The following DYDC2 variants were observed in gnomAD, a reference collection of about 807,000 sequenced individuals.
The protein encoded by DYDC2 is DPY30 domain containing 2, also known as DPY30 domain-containing protein 2.
DYDC2 carries 19 observed loss-of-function variants against 18.7 expected under a neutral mutation model. The ratio of observed to expected loss-of-function variants is 1.02; its 90% CI spans 0.71 to 1.49. The LOEUF is 1.49. DYDC2 is among the 40% of genes most tolerant of loss of function. The pLI, the probability that DYDC2 is intolerant of heterozygous loss-of-function variation, is 0.00. For synonymous variants in DYDC2, 63 were observed against 67.6 expected, an observed-to-expected ratio of 0.93 and a Z score of 0.34; for missense variants, 179 against 205.1, an observed-to-expected ratio of 0.87 and a Z score of 0.78.
intron 4 of DYDC2, among the ~76,000 whole-genome samples, chr10:80,363,498 C>T (rs1201978238): frequency 7.5e-6 from 1 of 134,126 alleles, no homozygotes; most frequent in Non-Finnish European, 1.6e-5. Context: ...GCACATGCCA[C>T]CACGCCCGGC....
intron 1 of DYDC2, among the ~76,000 whole-genome samples, chr10:80,347,787 T>A (rs990150399): frequency 4.6e-5 from 7 of 152,352 alleles, no homozygotes; most frequent in African/African-American, 1.7e-4. Flanking sequence ...ATTCCTGGGT[T>A]CTCTATTCTG....
At chr10:80,350,584 C>T (rs1259285573) in intron 1 of DYDC2, among the ~76,000 whole-genome samples, 1 of 152,176 alleles carries the variant, frequency 6.6e-6, no homozygotes, top group Non-Finnish European at 1.5e-5. Flanking sequence ...ACAGCCCTAT[C>T]CTTCTAAGGG....
chr10:80,359,000 G>A (rs186029772), intron 2 of DYDC2, among the ~76,000 whole-genome samples: 5 of 152,192 alleles, frequency 3.3e-5, no homozygotes, highest in African/African-American at 4.8e-5. Context: ...GCAGCAGCAA[G>A]ATTTACTACA....
chr10:80,348,979 C>T (rs1198166992), intron 1 of DYDC2, among the ~76,000 whole-genome samples: 1 of 152,180 alleles, frequency 6.6e-6, no homozygotes, highest in Non-Finnish European at 1.5e-5. Context: ...GCAAGCTCCG[C>T]CTCCTGGGTT....
At chr10:80,352,040 G>T (rs368117789), upstream of DYDC2, 82 of 1,594,764 alleles carry the variant, frequency 5.1e-5, no homozygotes, top group African/African-American at 7.8e-4. Flanking sequence ...CGACTTCTTA[G>T]CGAGAAAGCA....
At chr10:80,361,191 T>A (rs943358725) in intron 2 of DYDC2, among the ~76,000 whole-genome samples, 1 of 152,200 alleles carries the variant, frequency 6.6e-6, no homozygotes, top group African/African-American at 2.4e-5. Flanking sequence ...CCCTCAACAT[T>A]TTTAAGAGTA....
chr10:80,359,862 C>G (rs192802044), intron 2 of DYDC2, among the ~76,000 whole-genome samples: 7 of 152,292 alleles, frequency 4.6e-5, no homozygotes, highest in East Asian at 3.9e-4. Flanking sequence ...ATTTCCCGCC[C>G]GCGCCTCTCC....
chr10:80,358,390 T>A (rs1195562640), intron 2 of DYDC2, among the ~76,000 whole-genome samples: 1 of 152,036 alleles, frequency 6.6e-6, no homozygotes, highest in Non-Finnish European at 1.5e-5. Context: ...AAATAAAAAA[T>A]AAAAGGCATC....
chr10:80,347,414 T>G (rs1201180593), intron 1 of DYDC2, among the ~76,000 whole-genome samples: 1 of 152,020 alleles, frequency 6.6e-6, no homozygotes, highest in Non-Finnish European at 1.5e-5. Flanking sequence ...TGCCTTTTTG[T>G]TTTGCTGATT....
At chr10:80,344,749 GCCA>G (rs1264842712), upstream of DYDC2, 1 of 323,644 alleles carries the variant, frequency 3.1e-6, no homozygotes, top group African/African-American at 2.2e-5. Context: ...TTCTCTTGCT[GCCA>G]CCATGTAAGA....
chr10:80,358,967 G>C (rs1050897632), intron 2 of DYDC2, among the ~76,000 whole-genome samples: 1 of 152,308 alleles, frequency 6.6e-6, no homozygotes, highest in South Asian at 2.1e-4. Flanking sequence ...AGCTCATAAA[G>C]GCAGTGCAGA....
upstream of DYDC2, among the ~76,000 whole-genome samples, chr10:80,355,815 C>T (rs937457970): frequency 2.0e-5 from 3 of 152,010 alleles, no homozygotes; most frequent in African/African-American, 7.2e-5. Context: ...AACAAACTGG[C>T]ACAAATGAAC....
chr10:80,347,562 C>T (rs948824566), intron 1 of DYDC2, among the ~76,000 whole-genome samples: 10 of 152,058 alleles, frequency 6.6e-5, no homozygotes, highest in African/African-American at 2.2e-4. Flanking sequence ...ATTATGTTTT[C>T]TTCCGGGAGT....
chr10:80,358,909 T>C (rs567058809), intron 2 of DYDC2, among the ~76,000 whole-genome samples: 2 of 152,320 alleles, frequency 1.3e-5, no homozygotes, highest in African/African-American at 4.8e-5. Context: ...GGTGGGTTGC[T>C]GGTCTCCCTT....
chr10:80,356,165 C>T, upstream of DYDC2: 1 of 867,094 alleles, frequency 1.2e-6, no homozygotes, highest in Non-Finnish European at 1.4e-6. Flanking sequence ...CCAGGCAAGG[C>T]CTGCCAACTC....
chr10:80,359,764 G>C (rs1366496248), intron 2 of DYDC2, among the ~76,000 whole-genome samples: 1 of 152,224 alleles, frequency 6.6e-6, no homozygotes, highest in Non-Finnish European at 1.5e-5. Flanking sequence ...GGGGCCTGCA[G>C]TGCTGGCCGG....
chr10:80,354,234 C>A (rs914698017), upstream of DYDC2: 1 of 151,396 alleles, frequency 6.6e-6, no homozygotes, highest in African/African-American at 2.4e-5. Context: ...CACCTGTAAT[C>A]CTAGCACTTT....
intron 1 of DYDC2, among the ~76,000 whole-genome samples, chr10:80,351,573 C>G (rs1053557398): frequency 1.3e-5 from 2 of 151,920 alleles, no homozygotes; most frequent in Non-Finnish European, 2.9e-5. Flanking sequence ...ATATGGTTGA[C>G]CACTCAGATC....
chr10:80,363,128 AG>A, intron 4 of DYDC2, 55 bp downstream of exon 4: 1 of 1,566,034 alleles, frequency 6.4e-7, no homozygotes, highest in Non-Finnish European at 8.6e-7. Flanking sequence ...GATGGACTCC[AG>A]GAAAGCCACA....
Sources: allele counts gnomAD v4.1 joint callset (sites outside exome capture counted in the v4.1 genomes callset), GRCh38; gene constraint gnomAD v4.1.1; transcripts MANE v1.5; gene names NCBI Gene and HGNC (gene_info 2026-07-23, HGNC 2026-07-21).